The following ANOS1 variants were observed in gnomAD, a reference collection of about 807,000 sequenced individuals.
ANOS1 encodes anosmin 1.
ANOS1 carries 6 observed loss-of-function variants against 59.0 expected under a neutral mutation model. The observed-to-expected ratio is 0.10, with a 90% CI of 0.06 to 0.20. The LOEUF is 0.20. Among genes scored for constraint, ANOS1 ranks in the 10% least tolerant of loss-of-function variants. The pLI is 1.00. For synonymous variants in ANOS1, 217 were observed against 223.4 expected (o/e 0.97, Z 0.25); for missense variants, 433 against 542.3 (o/e 0.80, Z 2.00).
rs147838348 is a variant in ANOS1 at position 8,554,457 on chromosome X, C to A, written c.1208-359G>T. Reference sequence around the variant, plus strand: ...TCGCAATTGGCAGACCAGGAGATTCCCTCGGGTGCCTACACCGCCAGGCCC... The same window carrying A: ...TCGCAATTGGCAGACCAGGAGATTCACTCGGGTGCCTACACCGCCAGGCCC... On this transcript the variant is annotated intron_variant, in intron 8 of 13. Transcript: ENST00000262648. Among the ~76,000 whole-genome samples the A allele has an allele frequency of 6.4e-3, 710 of 110,214 alleles. 2 individuals carry two copies. The highest frequency in any genetic ancestry group is 0.023 in the African/African-American group (684 of 30,326).
chrX:8,571,821 G>T (rs1022577337), intron 6 of ANOS1, among the ~76,000 whole-genome samples: 5 of 112,145 alleles, frequency 4.5e-5, no homozygotes, highest in Non-Finnish European at 9.4e-5. Flanking sequence ...ATCACGGGAA[G>T]ATGCTGTCAA....
chrX:8,600,163 C>T (rs1263413452), intron 3 of ANOS1, among the ~76,000 whole-genome samples: 1 of 111,924 alleles, frequency 8.9e-6, no homozygotes, highest in East Asian at 2.8e-4. Context: ...ATATTATGTG[C>T]ATTTTACCAC....
chrX:8,709,267 T>C (rs1932797299), intron 1 of ANOS1, among the ~76,000 whole-genome samples: 1 of 97,789 alleles, frequency 1.0e-5, no homozygotes. Flanking sequence ...AAAGTGTAAT[T>C]AAAAAAAAAA....
intron 9 of ANOS1, among the ~76,000 whole-genome samples, chrX:8,546,552 C>T (rs1336453918): frequency 8.9e-6 from 1 of 112,166 alleles, no homozygotes; most frequent in Non-Finnish European, 1.9e-5. Flanking sequence ...AATCAACTAA[C>T]ATTTGCAGAT....
intron 2 of ANOS1, among the ~76,000 whole-genome samples, chrX:8,670,517 C>T (rs772030183): frequency 1.8e-5 from 2 of 110,876 alleles, no homozygotes; most frequent in South Asian, 3.9e-4. Context: ...TCTCCAACCA[C>T]GCTTGTTTAA....
intron 2 of ANOS1, among the ~76,000 whole-genome samples, chrX:8,652,416 T>C (rs1279477170): frequency 8.9e-6 from 1 of 111,804 alleles, no homozygotes; most frequent in Non-Finnish European, 1.9e-5. Context: ...AAGAGTGTGA[T>C]ACCAAACTAC....
chrX:8,653,366 T>G (rs998145421), intron 2 of ANOS1, among the ~76,000 whole-genome samples: 1 of 111,209 alleles, frequency 9.0e-6, no homozygotes, highest in Non-Finnish European at 1.9e-5. Flanking sequence ...GTCATTTTGC[T>G]TGGATGCTCT....
chrX:8,639,989 C>T (rs941167498), intron 2 of ANOS1, among the ~76,000 whole-genome samples: 5 of 110,742 alleles, frequency 4.5e-5, no homozygotes, highest in Non-Finnish European at 9.5e-5. Flanking sequence ...GTGCCCTAGG[C>T]CCTCTATTTC....
intron 6 of ANOS1, among the ~76,000 whole-genome samples, chrX:8,574,876 C>A (rs779904953): frequency 9.0e-6 from 1 of 111,367 alleles, no homozygotes; most frequent in East Asian, 2.8e-4. Context: ...TCTAGAGAAC[C>A]GTGACTAATA....
At chrX:8,602,886 G>T (rs1408780681) in intron 3 of ANOS1, among the ~76,000 whole-genome samples, 3 of 110,882 alleles carry the variant, frequency 2.7e-5, no homozygotes, top group Non-Finnish European at 3.8e-5. Flanking sequence ...TTACAGGCAT[G>T]CGCCACCATG....
intron 2 of ANOS1, among the ~76,000 whole-genome samples, chrX:8,641,909 T>C (rs1015977561): frequency 1.8e-5 from 2 of 111,565 alleles, no homozygotes; most frequent in South Asian, 7.5e-4. Flanking sequence ...GGGTTTGCAA[T>C]AGGGGCAAAG....
chrX:8,609,714 T>A (rs952797023), intron 3 of ANOS1, among the ~76,000 whole-genome samples: 2 of 110,797 alleles, frequency 1.8e-5, no homozygotes, highest in Non-Finnish European at 3.8e-5. Context: ...CCTGTTCTTA[T>A]AAGAATCTTT....
At chrX:8,534,584 C>T in intron 12 of ANOS1, 124 bp from the exon 13 acceptor site, 1 of 687,193 alleles carries the variant, frequency 1.5e-6, no homozygotes, top group Non-Finnish European at 2.3e-6. Context: ...AGTTTGGTTG[C>T]TTTGTAAAGG....
chrX:8,554,542 G>GTTTTTTTTTTTTTTTTTTTTTTT (rs757605733), intron 8 of ANOS1, among the ~76,000 whole-genome samples: 2 of 50,834 alleles, frequency 3.9e-5, no homozygotes, highest in South Asian at 1.3e-3. Context: ...GGCTACAGGA[G>GTTTTTTTTTTTTTTTTTTTTTTT]TTTTTTTTTT....
intron 3 of ANOS1, among the ~76,000 whole-genome samples, chrX:8,622,077 G>C (rs1025015598): frequency 9.0e-6 from 1 of 111,223 alleles, no homozygotes; most frequent in Non-Finnish European, 1.9e-5. Flanking sequence ...ATCTCAAGGG[G>C]CCCAAACCCA....
intron 6 of ANOS1, among the ~76,000 whole-genome samples, chrX:8,584,427 T>TTTG (rs1930475686): frequency 9.3e-6 from 1 of 107,598 alleles, no homozygotes; most frequent in Non-Finnish European, 1.9e-5. Context: ...TGTTTGTTTG[T>TTTG]TTTTAAAAAA....
At chrX:8,640,591 CAAAAAAA>C (rs545822787) in intron 2 of ANOS1, among the ~76,000 whole-genome samples, 1 of 31,563 alleles carries the variant, frequency 3.2e-5, no homozygotes, top group African/African-American at 8.5e-5. Context: ...TGAACCTGTA[CAAAAAAA>C]AAAAAAAAAC....
chrX:8,663,306 C>A (rs776281365), intron 2 of ANOS1, among the ~76,000 whole-genome samples: 105 of 111,927 alleles, frequency 9.4e-4, no homozygotes, highest in African/African-American at 3.1e-3. Flanking sequence ...TGTCAAAAAA[C>A]ATTCTGTTTC....
intron 8 of ANOS1, among the ~76,000 whole-genome samples, 195 bp from the exon 9 acceptor site, chrX:8,554,293 A>C (rs1305732624): frequency 3.6e-5 from 4 of 111,324 alleles, no homozygotes; most frequent in Non-Finnish European, 7.5e-5. Flanking sequence ...CAGCCCATGG[A>C]GGGCGAGCAG....
Sources: gnomAD v4.1 joint callset for allele counts (sites outside exome capture counted in the v4.1 genomes callset) on GRCh38, gnomAD v4.1.1 for gene constraint, MANE v1.5 for transcripts, NCBI Gene and HGNC (gene_info 2026-07-23, HGNC 2026-07-21) for gene names.